The following DLGAP2 variants were observed in gnomAD, a reference collection of about 807,000 sequenced individuals.
The protein encoded by DLGAP2 is DLG associated protein 2.
A neutral mutation model predicts 100.3 loss-of-function variants in DLGAP2; 26 were observed. The observed-to-expected ratio is 0.26, with a 90% CI of 0.19 to 0.36. The LOEUF is 0.36. Among genes scored for constraint, DLGAP2 ranks in the 10% least tolerant of loss-of-function variants. The probability of loss-of-function intolerance (pLI) is 1.00; values close to 1 mark genes in which losing one functional copy is unlikely to be tolerated. For missense variants in DLGAP2, 1,858 were observed against 1,453.2 expected (o/e 1.28, Z -4.53); for synonymous variants, 886 against 630.1 (o/e 1.41, Z -6.08).
intron 2 of DLGAP2, among the ~76,000 whole-genome samples, chr8:1,241,609 A>T (rs759932771): frequency 1.3e-5 from 2 of 151,570 alleles, no homozygotes; most frequent in African/African-American, 4.9e-5. Flanking sequence ...GAGACTTTTC[A>T]CTCCACACTG....
chr8:1,255,319 G>C (rs1213151337), intron 2 of DLGAP2, among the ~76,000 whole-genome samples: 2 of 97,546 alleles, frequency 2.1e-5, no homozygotes, highest in African/African-American at 5.8e-5. Flanking sequence ...TCCTGCCCGG[G>C]TGCTGTGTGT....
intron 8 of DLGAP2, among the ~76,000 whole-genome samples, chr8:1,660,586 T>C (rs1416016652): frequency 1.3e-5 from 2 of 152,236 alleles, no homozygotes; most frequent in African/African-American, 2.4e-5. Context: ...GCTAAATGTT[T>C]CTTTAACTTC....
chr8:1,444,006 A>C (rs1450351973), intron 3 of DLGAP2, among the ~76,000 whole-genome samples: 7 of 152,216 alleles, frequency 4.6e-5, no homozygotes. Context: ...GCCAATTATG[A>C]GTTTTCCAGT....
chr8:1,473,309 G>T (rs917407795), intron 3 of DLGAP2, among the ~76,000 whole-genome samples: 1 of 152,216 alleles, frequency 6.6e-6, no homozygotes, highest in Non-Finnish European at 1.5e-5. Flanking sequence ...CTGAGTAGAT[G>T]AACAGAAGAA....
At chr8:1,160,884 C>G (rs987657045) in intron 2 of DLGAP2, among the ~76,000 whole-genome samples, 1 of 152,210 alleles carries the variant, frequency 6.6e-6, no homozygotes, top group Non-Finnish European at 1.5e-5. Context: ...GTCTAGCAAT[C>G]AGGTAAGTAA....
intron 3 of DLGAP2, among the ~76,000 whole-genome samples, chr8:1,430,002 A>ATATATATATATATATATATG (rs1797368000): frequency 1.5e-5 from 1 of 67,718 alleles, no homozygotes; most frequent in African/African-American, 7.1e-5. Flanking sequence ...AGATGCATAT[A>ATATATATATATATATATATG]TATACATATA....
In DLGAP2 at chr8:1,133,627, T is replaced by C. The variant is rs1270898039; in HGVS notation, c.74-125224T>C. On this transcript the variant is annotated intron_variant, in intron 2 of 14. Coordinates refer to ENST00000637795, the MANE Select transcript of DLGAP2 (RefSeq NM_001346810.2). ...TTTGCTCACCAAGTCAAAATAAATA[T>C]TATTCAGATTTTATTACAGCATAAA... Among the ~76,000 whole-genome samples, 4 of 152,176 alleles carry C rather than the reference T, an allele frequency of 2.6e-5. No homozygotes were observed. The East Asian group carries it at 7.7e-4, about 29-fold the overall frequency.
intron 1 of DLGAP2, among the ~76,000 whole-genome samples, chr8:898,209 C>G (rs896324914): frequency 5.9e-5 from 9 of 152,292 alleles, no homozygotes; most frequent in African/African-American, 2.2e-4. Flanking sequence ...GAAGTGCTCC[C>G]CATGGTGTTT....
At chr8:1,345,884 A>G (rs1332905106) in intron 3 of DLGAP2, among the ~76,000 whole-genome samples, 2 of 152,204 alleles carry the variant, frequency 1.3e-5, no homozygotes, top group Admixed American at 6.5e-5. Context: ...GTTGCCCTAT[A>G]GGAAGGAAGC....
intron 2 of DLGAP2, among the ~76,000 whole-genome samples, chr8:1,039,518 A>AGCTTGG (rs1802241218): frequency 2.4e-5 from 2 of 84,384 alleles, no homozygotes; most frequent in Admixed American, 1.4e-4. Flanking sequence ...CTCGGTGTGC[A>AGCTTGG]TGTTCAGCTC....
intron 2 of DLGAP2, among the ~76,000 whole-genome samples, chr8:928,746 G>A (rs1446510701): frequency 2.6e-5 from 4 of 152,148 alleles, no homozygotes; most frequent in East Asian, 1.9e-4. Flanking sequence ...CGCTGCCCTC[G>A]ATGCAGGAAG....
chr8:1,115,756 C>T (rs1805096090), intron 2 of DLGAP2, among the ~76,000 whole-genome samples: 1 of 152,202 alleles, frequency 6.6e-6, no homozygotes, highest in African/African-American at 2.4e-5. Flanking sequence ...TGAGAATTCA[C>T]ATCAGCGGTC....
chr8:1,235,255 C>A (rs978363929), intron 2 of DLGAP2, among the ~76,000 whole-genome samples: 3 of 125,242 alleles, frequency 2.4e-5, no homozygotes, highest in African/African-American at 8.4e-5. Context: ...CACATGGCGT[C>A]GTGTCTAGTT....
At chr8:1,247,638 G>A (rs200686495) in intron 2 of DLGAP2, among the ~76,000 whole-genome samples, 1 of 2,748 alleles carries the variant, frequency 3.6e-4, no homozygotes, top group Non-Finnish European at 9.1e-4. Flanking sequence ...GTCGGTGGCC[G>A]GGAAGACCTT....
intron 2 of DLGAP2, among the ~76,000 whole-genome samples, chr8:1,080,920 A>G (rs528514870): frequency 6.6e-6 from 1 of 152,334 alleles, no homozygotes; most frequent in Non-Finnish European, 1.5e-5. Flanking sequence ...CATATCTAGC[A>G]CTAAAATATT....
intron 3 of DLGAP2, among the ~76,000 whole-genome samples, chr8:1,344,826 C>A (rs1266434586): frequency 1.3e-5 from 2 of 152,184 alleles, no homozygotes; most frequent in Non-Finnish European, 2.9e-5. Flanking sequence ...ACAGCAGGTA[C>A]AGAACACATG....
chr8:1,076,437 T>G (rs1803614836), intron 2 of DLGAP2, among the ~76,000 whole-genome samples: 1 of 152,098 alleles, frequency 6.6e-6, no homozygotes, highest in Non-Finnish European at 1.5e-5. Flanking sequence ...GTCGGATGGG[T>G]TAGAGGGCAG....
chr8:1,431,082 A>C (rs958711248), intron 3 of DLGAP2, among the ~76,000 whole-genome samples: 1 of 152,224 alleles, frequency 6.6e-6, no homozygotes, highest in Non-Finnish European at 1.5e-5. Context: ...AAACTGTAAA[A>C]TGGGAAGCAA....
intron 2 of DLGAP2, among the ~76,000 whole-genome samples, chr8:1,156,568 C>T (rs559498562): frequency 3.3e-5 from 5 of 152,166 alleles, no homozygotes; most frequent in South Asian, 2.1e-4. Flanking sequence ...TCTAGCTCAG[C>T]GCCCCTGCTC....
Sources: allele counts gnomAD v4.1 joint callset (sites outside exome capture counted in the v4.1 genomes callset), GRCh38; gene constraint gnomAD v4.1.1; transcripts MANE v1.5; gene names NCBI Gene and HGNC (gene_info 2026-07-23, HGNC 2026-07-21).